Variants in MRPL35 observed in about 807,000 individuals in gnomAD.
MRPL35 encodes large ribosomal subunit protein bL35m.
MRPL35 carries 18 observed loss-of-function variants against 21.6 expected under a neutral mutation model. The observed-to-expected ratio is 0.83, with a 90% CI of 0.58 to 1.24. MRPL35 has a LOEUF of 1.24. Among genes scored for constraint, MRPL35 ranks in the 50% most tolerant of loss-of-function variants. The probability of loss-of-function intolerance (pLI) is 0.00; values close to 1 mark genes in which losing one functional copy is unlikely to be tolerated. For synonymous variants in MRPL35, 87 were observed against 86.9 expected, an observed-to-expected ratio of 1.00 and a Z score of -0.01; for missense variants, 223 against 223.2, an observed-to-expected ratio of 1.00 and a Z score of 0.01.
At chr2:86,209,241 A>C (rs1369319900) in intron 3 of MRPL35, among the ~76,000 whole-genome samples, 7 of 152,256 alleles carry the variant, frequency 4.6e-5, no homozygotes, top group Admixed American at 3.9e-4. Context: ...TCCTTATTTC[A>C]TCACTGTCCT....
At chr2:86,199,600 G>C in intron 1 of MRPL35, 67 bp downstream of exon 1, 1 of 1,590,458 alleles carries the variant, frequency 6.3e-7, no homozygotes. Flanking sequence ...GGATGGAATG[G>C]GCGTTTAGAC....
chr2:86,201,281 A>G (rs775813045), intron 1 of MRPL35, among the ~76,000 whole-genome samples: 18 of 152,204 alleles, frequency 1.2e-4, no homozygotes, highest in Non-Finnish European at 2.1e-4. Flanking sequence ...TTAAATAAGC[A>G]TTTCTCTGAT....
At chr2:86,208,418 T>C (rs1673844684) in intron 3 of MRPL35, among the ~76,000 whole-genome samples, 2 of 152,136 alleles carry the variant, frequency 1.3e-5, no homozygotes, top group Non-Finnish European at 2.9e-5. Context: ...GCCATTCTCC[T>C]GCCTCAGCCT....
At chr2:86,209,195 T>A (rs1673856261) in intron 3 of MRPL35, among the ~76,000 whole-genome samples, 1 of 152,258 alleles carries the variant, frequency 6.6e-6, no homozygotes, top group South Asian at 2.1e-4. Context: ...AAATCTAACC[T>A]CTAGCATTCT....
Position 86,210,945 on chromosome 2 carries a change from C to A in MRPL35, c.*277C>A, listed in dbSNP as rs1029412374. 88 of 1,060,066 alleles carry A rather than the reference C, an allele frequency of 8.3e-5. No individual in the cohort carries two copies. Among genetic ancestry groups the A allele is most frequent in the Non-Finnish European group, 9.9e-5 (87 of 878,132 alleles). The allele number at this position is 1,060,066 out of a possible 1,614,324, so 65.7% of individuals were successfully genotyped here. On this transcript the variant is annotated 3_prime_UTR_variant, in exon 4 of 4. Transcript: ENST00000337109. ...ATGCTCTTTTAGTTGCAAGGAATCTCAAGTGGGACAAACATAAAAAGACTC... is the reference window on the plus strand; with the variant it reads ...ATGCTCTTTTAGTTGCAAGGAATCTAAAGTGGGACAAACATAAAAAGACTC...
chr2:86,200,977 A>G lies in MRPL35; in HGVS notation c.43+1444A>G, dbSNP rs1489894433. 3.9e-5 allele frequency among the ~76,000 whole-genome samples: 6 copies of G among 152,116 alleles called. No individual in the cohort carries two copies. The East Asian group carries it at 7.7e-4, about 20-fold the overall frequency. On this transcript the variant is annotated intron_variant, in intron 1 of 3. Transcript: ENST00000337109. The stretch of plus-strand genomic sequence containing the variant: ...CACCCTGCCCGGCCTGCTGTATAAT[A>G]TTATATGACTGTGCCACAATTCTCC...
At chr2:86,205,948 G>T (rs1673780345) in intron 1 of MRPL35, among the ~76,000 whole-genome samples, 158 bp from the exon 2 acceptor site, 1 of 152,154 alleles carries the variant, frequency 6.6e-6, no homozygotes, top group South Asian at 2.1e-4. Context: ...TTAATTTATG[G>T]TTATACCTTA....
At chr2:86,204,007 G>A (rs1673739772) in intron 1 of MRPL35, among the ~76,000 whole-genome samples, 1 of 151,168 alleles carries the variant, frequency 6.6e-6, no homozygotes, top group African/African-American at 2.4e-5. Context: ...TTTTTGAGAT[G>A]GAGTTTCACT....
At chr2:86,199,674 G>T in intron 1 of MRPL35, 141 bp downstream of exon 1, 2 of 1,101,886 alleles carry the variant, frequency 1.8e-6, no homozygotes, top group East Asian at 2.6e-5. Context: ...ATTTTCTCTG[G>T]GGCGGTGTGA....
At chr2:86,209,211 C>T (rs1043145451) in intron 3 of MRPL35, among the ~76,000 whole-genome samples, 3 of 152,168 alleles carry the variant, frequency 2.0e-5, no homozygotes, top group Admixed American at 2.0e-4. Context: ...ATTCTAAAAC[C>T]AGAACTCTTA....
chr2:86,201,384 T>C (rs1370237913), intron 1 of MRPL35, among the ~76,000 whole-genome samples: 2 of 152,238 alleles, frequency 1.3e-5, no homozygotes, highest in African/African-American at 4.8e-5. Flanking sequence ...ATTTTCCTAT[T>C]GGATTGTTTG....
chr2:86,213,222 T>G lies in MRPL35; in HGVS notation c.*2554T>G. On this transcript the variant is annotated 3_prime_UTR_variant, in exon 4 of 4. Coordinates refer to ENST00000337109, the MANE Select transcript of MRPL35 (RefSeq NM_016622.4). ...ACTATAAATACTAAATAAACACTTC[T>G]TCATAACACTGTACCAATTCAGCTT... is the stretch of plus-strand genomic sequence containing the variant. The G allele has an allele frequency of 9.9e-7, 1 of 1,005,358 alleles. No individual in the cohort carries two copies. The highest frequency in any genetic ancestry group is 1.2e-6 in the Non-Finnish European group (1 of 843,214). The allele number at this position is 1,005,358 out of a possible 1,614,324, so 62.3% of individuals were successfully genotyped here. A position where few individuals can be genotyped will look rare whatever the true frequency, so the allele number is the denominator to read the frequency against.
Position 86,209,757 on chromosome 2 carries a change from C to T in MRPL35, c.379-723C>T, listed in dbSNP as rs114231759. On this transcript the variant is annotated intron_variant, in intron 3 of 3. Transcript: ENST00000337109. Reference sequence around the variant, plus strand: ...TTAATAAATATTAATGTTGTTACCTCGCCTGCACTCCATCCTCCTCTACAT... The same window carrying T: ...TTAATAAATATTAATGTTGTTACCTTGCCTGCACTCCATCCTCCTCTACAT... 4.0e-3 allele frequency among the ~76,000 whole-genome samples: 603 copies of T among 152,294 alleles called. 7 individuals carry two copies. The highest frequency in any genetic ancestry group is 0.014 in the African/African-American group (566 of 41,554).
At chr2:86,209,192 A>T (rs1257722675) in intron 3 of MRPL35, among the ~76,000 whole-genome samples, 1 of 152,206 alleles carries the variant, frequency 6.6e-6, no homozygotes, top group Non-Finnish European at 1.5e-5. Flanking sequence ...CAAAAATCTA[A>T]CCTCTAGCAT....
chr2:86,202,760 C>T (rs1392683432), intron 1 of MRPL35, among the ~76,000 whole-genome samples: 2 of 152,118 alleles, frequency 1.3e-5, no homozygotes, highest in South Asian at 2.1e-4. Context: ...GGCAAGATCT[C>T]GGCTCACTGC....
Position 86,211,336 on chromosome 2 carries a change from A to T in MRPL35, c.*668A>T, listed in dbSNP as rs1264815329. ...TAGTCTCCAATTGCCAAGGGAATTT[A>T]ACTGGGCCAGACTACCTTTTTATAC... On this transcript the variant is annotated 3_prime_UTR_variant, in exon 4 of 4. Transcript: ENST00000337109. 1 of 945,526 alleles carries T rather than the reference A, an allele frequency of 1.1e-6. No homozygotes were observed. Among genetic ancestry groups the T allele is most frequent in the Non-Finnish European group, 1.3e-6 (1 of 793,854 alleles). 58.6% of individuals were successfully genotyped at this position (945,526 alleles called of 1,614,324 possible). A position where few individuals can be genotyped will look rare whatever the true frequency, so the allele number is the denominator to read the frequency against.
chr2:86,204,904 G>C (rs143414672), intron 1 of MRPL35, among the ~76,000 whole-genome samples: 2 of 152,316 alleles, frequency 1.3e-5, no homozygotes, highest in East Asian at 3.9e-4. Flanking sequence ...ATAGCCTACT[G>C]TTGGCCAGAA....
rs78821866 is a variant in MRPL35, at chr2:86,207,056, A to C, written c.234-127A>C. The C allele has an allele frequency of 2.8e-3, 2,488 of 899,906 alleles. 54 individuals carry two copies. The African/African-American group carries it at 0.039, about 14-fold the overall frequency. The allele number at this position is 899,906 out of a possible 1,614,324, so 55.7% of individuals were successfully genotyped here. On this transcript the variant is annotated intron_variant, in intron 2 of 3. Transcript: ENST00000337109. ...CTTAATGTCATGGGTCATTGGAAGTAATATTGTATATGAAAAGTTAGTTCC... is the reference window on the plus strand; with the variant it reads ...CTTAATGTCATGGGTCATTGGAAGTCATATTGTATATGAAAAGTTAGTTCC...
In MRPL35 at chr2:86,206,081, A is replaced by C. The variant is rs201036123; in HGVS notation, c.44-25A>C. The C allele has an allele frequency of 2.9e-4, 443 of 1,551,096 alleles. 1 individual carries two copies. Among genetic ancestry groups the C allele is most frequent in the Non-Finnish European group, 1.7e-4 (194 of 1,135,556 alleles). On this transcript the variant is annotated intron_variant, in intron 1 of 3. Transcript: ENST00000337109. ...TCTGGATGCATATTTTGGAGTATTAAATATATATGCTCCTATCTTTACAGG... is the reference window on the plus strand; with the variant it reads ...TCTGGATGCATATTTTGGAGTATTACATATATATGCTCCTATCTTTACAGG...
Sources: gnomAD v4.1 joint callset for allele counts (sites outside exome capture counted in the v4.1 genomes callset) on GRCh38, gnomAD v4.1.1 for gene constraint, MANE v1.5 for transcripts, NCBI Gene and HGNC (gene_info 2026-07-23, HGNC 2026-07-21) for gene names.